CEPT1: variants seen among roughly 807,000 people sequenced by gnomAD.
The protein encoded by CEPT1 is choline/ethanolaminephosphotransferase 1.
A neutral mutation model predicts 42.6 loss-of-function variants in CEPT1; 7 were observed. The observed-to-expected ratio is 0.16, with a 90% confidence interval of 0.09 to 0.31. CEPT1 has a LOEUF of 0.31. CEPT1 is among the 10% of genes least tolerant of loss of function. The probability of loss-of-function intolerance (pLI) is 1.00; values close to 1 mark genes in which losing one functional copy is unlikely to be tolerated. For synonymous variants in CEPT1, 171 were observed against 171.9 expected, an observed-to-expected ratio of 0.99 and a Z score of 0.04; for missense variants, 306 against 502.1, an observed-to-expected ratio of 0.61 and a Z score of 3.73.
chr1:111,183,048 G>C (rs768867524), intron 7 of CEPT1, 91 bp downstream of exon 7: 28 of 1,305,836 alleles, frequency 2.1e-5, no homozygotes, highest in Admixed American at 1.1e-4. Flanking sequence ...CTTCATAAAT[G>C]GTCCTAGAGT....
At chr1:111,144,788 G>A (rs920728432) in intron 1 of CEPT1, among the ~76,000 whole-genome samples, 2 of 152,120 alleles carry the variant, frequency 1.3e-5, no homozygotes, top group Non-Finnish European at 2.9e-5. Flanking sequence ...TACCAAATAC[G>A]AAAATATATC....
At chr1:111,159,270 T>C in intron 2 of CEPT1, 110 bp from the exon 3 acceptor site, 3 of 990,972 alleles carry the variant, frequency 3.0e-6, no homozygotes, top group Non-Finnish European at 4.6e-6. Flanking sequence ...CACTTGGATC[T>C]TCTCTCCCAT....
chr1:111,157,156 G>A (rs12758971), intron 2 of CEPT1, among the ~76,000 whole-genome samples: 2,756 of 152,284 alleles, frequency 0.018, 41 homozygotes, highest in Non-Finnish European at 0.032. Flanking sequence ...TCATTGTGCA[G>A]ATTCACAGGA....
intron 2 of CEPT1, among the ~76,000 whole-genome samples, chr1:111,148,276 G>T (rs562645489): frequency 6.6e-6 from 1 of 151,852 alleles, no homozygotes; most frequent in East Asian, 1.9e-4. Context: ...ATTAATGTTA[G>T]CAGGGATTAA....
At chr1:111,175,022 C>G in intron 5 of CEPT1, 59 bp downstream of exon 5, 1 of 1,026,524 alleles carries the variant, frequency 9.7e-7, no homozygotes, top group Non-Finnish European at 1.6e-6. Context: ...CTTGTGTTTT[C>G]TAATATGGGA....
Position 111,184,765 on chromosome 1 carries a change from A to G in CEPT1, c.*455A>G, listed in dbSNP as rs948380506. On this transcript the variant is annotated 3_prime_UTR_variant, in exon 9 of 9. Coordinates refer to ENST00000357172, the MANE Select transcript of CEPT1 (RefSeq NM_006090.5). ...TCAGCTTGTGACACAGATACATCCC[A>G]CTAGCTTGTGAGGTGGAACTAGTAA... 1 of 151,914 alleles carries G rather than the reference A, an allele frequency of 6.6e-6. No individual in the cohort carries two copies. Among genetic ancestry groups the G allele is most frequent in the African/African-American group, 2.4e-5 (1 of 41,162 alleles). 9.4% of individuals were successfully genotyped at this position (151,914 alleles called of 1,614,324 possible).
chr1:111,159,574 C>G, intron 3 of CEPT1, 47 bp downstream of exon 3: 3 of 1,486,246 alleles, frequency 2.0e-6, no homozygotes, highest in Non-Finnish European at 2.8e-6. Flanking sequence ...AATGGTTAAA[C>G]CAGTGTGCTA....
At chr1:111,141,998 A>G (rs981970153) in intron 1 of CEPT1, among the ~76,000 whole-genome samples, 9 of 152,074 alleles carry the variant, frequency 5.9e-5, no homozygotes, top group Non-Finnish European at 1.0e-4. Context: ...CTGGAATTTC[A>G]CACAACAGGT....
intron 4 of CEPT1, among the ~76,000 whole-genome samples, chr1:111,161,731 A>G (rs1571135437): frequency 6.6e-6 from 1 of 152,236 alleles, no homozygotes; most frequent in East Asian, 1.9e-4. Flanking sequence ...AATTTATAAT[A>G]TCTGGATTTC....
chr1:111,183,498 G>T lies in CEPT1; in HGVS notation c.1042G>T (p.Asp348Tyr). The T allele has an allele frequency of 6.2e-7, 1 of 1,613,706 alleles. No individual in the cohort carries two copies. The highest frequency in any genetic ancestry group is 1.1e-5 in the South Asian group (1 of 91,062). Residue 348 changes from aspartate (D) to tyrosine (Y), a missense_variant, in exon 8 of 9, where the codon GAC becomes TAC. Transcript: ENST00000357172. ...GACGAAAAGTGAAATGCATTTGCATGACACAGCATTCATAGGTCCGGCACT... is the reference window on the plus strand; with the variant it reads ...GACGAAAAGTGAAATGCATTTGCATTACACAGCATTCATAGGTCCGGCACT... Reference protein sequence around the residue: ...HMTKSEMHLHDTAFIGPALLF... With the variant: ...HMTKSEMHLHYTAFIGPALLF...
intron 2 of CEPT1, among the ~76,000 whole-genome samples, 187 bp downstream of exon 2, chr1:111,148,240 C>T (rs185727866): frequency 6.6e-5 from 10 of 152,210 alleles, no homozygotes; most frequent in Admixed American, 2.6e-4. Flanking sequence ...CAGAAGCAAA[C>T]GGTAGACTGT....
intron 2 of CEPT1, 86 bp from the exon 3 acceptor site, chr1:111,159,294 C>G: frequency 1.5e-6 from 2 of 1,305,904 alleles, no homozygotes. Context: ...TTCCAACTAG[C>G]TTTCCAACCT....
chr1:111,151,044 G>A (rs1655241491), intron 2 of CEPT1, among the ~76,000 whole-genome samples: 1 of 151,874 alleles, frequency 6.6e-6, no homozygotes, highest in Non-Finnish European at 1.5e-5. Flanking sequence ...AAATATCAGT[G>A]ACTATGGCCT....
rs1340068559 is a variant in CEPT1 at position 111,184,401 on chromosome 1, T to C, written c.*91T>C. 9 of 960,092 alleles carry C rather than the reference T, an allele frequency of 9.4e-6. No homozygotes were observed. Among genetic ancestry groups the C allele is most frequent in the Non-Finnish European group, 9.2e-6 (6 of 654,482 alleles). The allele number at this position is 960,092 out of a possible 1,614,324, so 59.5% of individuals were successfully genotyped here. A position where few individuals can be genotyped will look rare whatever the true frequency, so the allele number is the denominator to read the frequency against. ...TGGGGGTGGATAAGAACAAATATAA[T>C]TTATAATAATCAATGTTGTATAACT... On this transcript the variant is annotated 3_prime_UTR_variant, in exon 9 of 9. Coordinates refer to ENST00000357172, the MANE Select transcript of CEPT1 (RefSeq NM_006090.5).
chr1:111,169,023 T>C (rs1656282787), intron 4 of CEPT1, among the ~76,000 whole-genome samples: 1 of 152,228 alleles, frequency 6.6e-6, no homozygotes, highest in Admixed American at 6.5e-5. Context: ...TCATTCTACG[T>C]TACTTATACC....
rs34173256 is a variant in CEPT1 at position 111,184,847 on chromosome 1, CTTTTTTTTTT to C, written c.*550_*559del. ...CTATCTTTACATTGTTGAGGAAGTC[CTTTTTTTTTT>C]TTTTTTTTTTTTAATTGCTCAAGAA... is the stretch of plus-strand genomic sequence containing the variant. On this transcript the variant is annotated 3_prime_UTR_variant, in exon 9 of 9. Transcript: ENST00000357172. 6.0e-5 allele frequency: 7 copies of C among 116,500 alleles called. No homozygotes were observed. Among genetic ancestry groups the C allele is most frequent in the African/African-American group, 1.9e-4 (6 of 31,104 alleles). 7.2% of individuals were successfully genotyped at this position (116,500 alleles called of 1,614,324 possible).
intron 2 of CEPT1, among the ~76,000 whole-genome samples, chr1:111,151,685 G>A (rs898988156): frequency 5.3e-5 from 8 of 152,276 alleles, no homozygotes; most frequent in Middle Eastern, 3.4e-3. Flanking sequence ...GATGACAAAC[G>A]TTTCCCTTTC....
At position 111,184,205 on chromosome 1, in the gene CEPT1, T is replaced by G. The variant is rs1227144009; in HGVS notation, c.1146T>G (p.Phe382Leu). The change falls in exon 9 of 9, where the codon TTT (phenylalanine) becomes TTG (leucine). Residue 382 changes from phenylalanine (F) to leucine (L), a missense_variant. Coordinates refer to ENST00000357172, the MANE Select transcript of CEPT1 (RefSeq NM_006090.5). ...VLWIALVFSF[F>L]DLIRYCVSVC... The stretch of plus-strand genomic sequence containing the variant: ...TTTCTTTCCAGGTTTTCTCTTTCTT[T>G]GATTTGATCCGCTACTGTGTCAGTG... 3 of 1,613,454 alleles carry G rather than the reference T, an allele frequency of 1.9e-6. No individual in the cohort carries two copies. The African/African-American group carries it at 4.0e-5, about 22-fold the overall frequency.
intron 4 of CEPT1, among the ~76,000 whole-genome samples, chr1:111,172,357 T>C (rs1427397229): frequency 1.3e-5 from 2 of 151,814 alleles, no homozygotes; most frequent in Non-Finnish European, 2.9e-5. Flanking sequence ...ATATTACCAC[T>C]GACGATTCTC....
Sources: gnomAD v4.1 joint callset for allele counts (sites outside exome capture counted in the v4.1 genomes callset) on GRCh38, gnomAD v4.1.1 for gene constraint, MANE v1.5 for transcripts, NCBI Gene and HGNC (gene_info 2026-07-23, HGNC 2026-07-21) for gene names.